PPARA: variants seen among roughly 807,000 people sequenced by gnomAD.
PPARA encodes the protein peroxisome proliferator-activated receptor alpha.
Under a neutral mutation model 42.2 loss-of-function variants are expected in PPARA, and 22 were observed. That is an observed-to-expected ratio of 0.52 (90% CI 0.37 to 0.74). The LOEUF (loss-of-function observed/expected upper bound fraction) is 0.74, where lower values mean the gene tolerates loss of function less well. Among genes scored for constraint, PPARA ranks in the 30% least tolerant of loss-of-function variants. The pLI is 0.00. For missense variants in PPARA, 465 were observed against 608.2 expected, an observed-to-expected ratio of 0.76 and a Z score of 2.48; for synonymous variants, 242 against 239.3, an observed-to-expected ratio of 1.01 and a Z score of -0.10.
chr22:46,191,338 T>G lies in PPARA; in HGVS notation c.-42-7004T>G, dbSNP rs1931515937. On this transcript the variant is annotated intron_variant, in intron 3 of 8. Coordinates refer to ENST00000407236, the MANE Select transcript of PPARA (RefSeq NM_005036.6). This position sits in a 1 kb window ranked among gnomAD's most constrained non-coding sequence, Gnocchi z 4.6. ...GTGGAGGGGTTTCCCTTCGGTCTCC[T>G]TTTATTCCAAGCAAGTGGCAAAACT... Among the ~76,000 whole-genome samples the G allele has an allele frequency of 6.6e-6, 1 of 152,216 alleles. No homozygotes were observed. Among genetic ancestry groups the G allele is most frequent in the Non-Finnish European group, 1.5e-5 (1 of 68,036 alleles).
chr22:46,198,355 G>C lies in PPARA; in HGVS notation c.-29G>C, dbSNP rs1156584282. 1 of 1,606,248 alleles carries C rather than the reference G, an allele frequency of 6.2e-7. No individual in the cohort carries two copies. Among genetic ancestry groups the C allele is most frequent in the Admixed American group, 1.7e-5 (1 of 59,982 alleles). On this transcript the variant is annotated 5_prime_UTR_variant, in exon 4 of 9. Coordinates refer to ENST00000407236, the MANE Select transcript of PPARA (RefSeq NM_005036.6). Reference sequence around the variant, plus strand: ...CTTTCCTCCCAGTAGCTTGGAGCTCGGCGGCACAACCAGCACCATCTGGTC... The same window carrying C: ...CTTTCCTCCCAGTAGCTTGGAGCTCCGCGGCACAACCAGCACCATCTGGTC...
intron 4 of PPARA, among the ~76,000 whole-genome samples, chr22:46,213,006 G>A (rs1293840928): frequency 2.6e-5 from 4 of 152,120 alleles, no homozygotes; most frequent in Non-Finnish European, 5.9e-5. Flanking sequence ...AAAAGAAAAA[G>A]AATAAACTGC....
intron 4 of PPARA, among the ~76,000 whole-genome samples, chr22:46,207,750 C>T (rs73177036): frequency 0.03 from 4,026 of 135,812 alleles, 63 homozygotes; most frequent in Non-Finnish European, 0.042. Context: ...CTAGTGCCAT[C>T]GTAGCTCACT....
intron 4 of PPARA, among the ~76,000 whole-genome samples, chr22:46,205,519 C>CATATATATATATATATAT (rs552533545): frequency 5.5e-4 from 19 of 34,426 alleles, no homozygotes; most frequent in Non-Finnish European, 7.4e-4. Flanking sequence ...CATGCCCAGC[C>CATATATATATATATATAT]ATATATATAT....
At chr22:46,174,858 C>T (rs1479518307) in intron 2 of PPARA, among the ~76,000 whole-genome samples, 1 of 151,948 alleles carries the variant, frequency 6.6e-6, no homozygotes, top group African/African-American at 2.4e-5. Context: ...ATTTTCCTCC[C>T]TTTTAGTACT....
Position 46,165,536 on chromosome 22 carries a change from G to A in PPARA, c.-126-11217G>A, listed in dbSNP as rs1926912188. Among the ~76,000 whole-genome samples the A allele has an allele frequency of 6.6e-6, 1 of 152,202 alleles. No individual in the cohort carries two copies. The highest frequency in any genetic ancestry group is 1.5e-5 in the Non-Finnish European group (1 of 68,032). On this transcript the variant is annotated intron_variant, in intron 2 of 8. Transcript: ENST00000407236. The surrounding 1 kb of genome is among the most constrained non-coding windows in gnomAD (Gnocchi z 5.5). ...TGTTGGCCAATTTATGAAAGAAGCA[G>A]TTAAGAGCCTGAGTGGCACTTTTGA...
intron 7 of PPARA, among the ~76,000 whole-genome samples, chr22:46,226,522 T>C (rs1330012717): frequency 2.0e-5 from 3 of 152,228 alleles, no homozygotes; most frequent in African/African-American, 7.2e-5. Context: ...CTCCAAATTG[T>C]TGGGGATTAT....
At chr22:46,185,465 C>T (rs1212217751) in intron 3 of PPARA, among the ~76,000 whole-genome samples, 1 of 152,092 alleles carries the variant, frequency 6.6e-6, no homozygotes, top group Admixed American at 6.5e-5. Context: ...ACCTTGTTCC[C>T]CTCTTTTGCT....
At position 46,187,562 on chromosome 22, in the gene PPARA, G is replaced by A. The variant is rs767315635; in HGVS notation, c.-43+10726G>A. Reference sequence around the variant, plus strand: ...AAGGAGTTGTGCTGCTTCTAGTCTTGTTCCCTTTGAATCTGGATTCCTTCT... The same window carrying A: ...AAGGAGTTGTGCTGCTTCTAGTCTTATTCCCTTTGAATCTGGATTCCTTCT... On this transcript the variant is annotated intron_variant, in intron 3 of 8. Coordinates refer to ENST00000407236, the MANE Select transcript of PPARA (RefSeq NM_005036.6). This position sits in a 1 kb window ranked among gnomAD's most constrained non-coding sequence, Gnocchi z 4.9. Among the ~76,000 whole-genome samples, 3 of 152,306 alleles carry A rather than the reference G, an allele frequency of 2.0e-5. No individual in the cohort carries two copies. The highest frequency in any genetic ancestry group is 3.4e-3 in the Middle Eastern group (1 of 292).
intron 3 of PPARA, among the ~76,000 whole-genome samples, chr22:46,197,379 C>T (rs960819050): frequency 6.6e-6 from 1 of 152,084 alleles, no homozygotes; most frequent in Non-Finnish European, 1.5e-5. Context: ...CCGCTGTGTC[C>T]CCAGCACCTC....
At chr22:46,174,907 G>GT (rs540032166) in intron 2 of PPARA, among the ~76,000 whole-genome samples, 87 of 151,330 alleles carry the variant, frequency 5.7e-4, no homozygotes, top group Non-Finnish European at 1.1e-3. Flanking sequence ...GATAATTGTA[G>GT]TTTTTTTTAC....
Position 46,198,406 on chromosome 22 carries a change from T to TC in PPARA, c.24dup (p.Cys9LeufsTer17). The TC allele has an allele frequency of 1.2e-6, 2 of 1,613,834 alleles. No homozygotes were observed. The highest frequency in any genetic ancestry group is 1.7e-6 in the Non-Finnish European group (2 of 1,179,914). On this transcript the variant is annotated frameshift_variant, in exon 4 of 9. Transcript: ENST00000407236. LOFTEE classifies it high-confidence loss of function. ...GCGATGGTGGACACGGAAAGCCCAC[T>TC]CTGCCCCCTCTCCCCACTCGAGGCC...
chr22:46,175,549 TA>T (rs1601650193), intron 2 of PPARA, among the ~76,000 whole-genome samples: 5 of 151,104 alleles, frequency 3.3e-5, no homozygotes, highest in African/African-American at 7.3e-5. Flanking sequence ...CCATCTCTAC[TA>T]AAAAATACAA....
In PPARA at chr22:46,200,071, CAG is replaced by C. The variant is rs1348795636; in HGVS notation, c.208+1482_208+1483del. Among the ~76,000 whole-genome samples the C allele has an allele frequency of 1.3e-5, 2 of 152,178 alleles. No individual in the cohort carries two copies. The highest frequency in any genetic ancestry group is 3.8e-4 in the East Asian group (2 of 5,200). On this transcript the variant is annotated intron_variant, in intron 4 of 8. Coordinates refer to ENST00000407236, the MANE Select transcript of PPARA (RefSeq NM_005036.6). This position sits in a 1 kb window ranked among gnomAD's most constrained non-coding sequence, Gnocchi z 4.8. ...CAATCTAGTACATCACTGGTGGAAA[CAG>C]ACATACACCTATTGCAAAGGGCATC...
intron 3 of PPARA, among the ~76,000 whole-genome samples, chr22:46,186,670 G>A (rs189345177): frequency 8.4e-4 from 128 of 152,140 alleles, no homozygotes; most frequent in African/African-American, 3.0e-3. Context: ...CCGAGATCAC[G>A]CCACTGCACT....
chr22:46,188,072 T>C lies in PPARA; in HGVS notation c.-42-10270T>C, dbSNP rs1313460156. The stretch of plus-strand genomic sequence containing the variant: ...TGGCACCAGCTACCAGGCATGTGAC[T>C]GAGGCCATCCAGCCATAGCTGAGCC... On this transcript the variant is annotated intron_variant, in intron 3 of 8. Transcript: ENST00000407236. This position sits in a 1 kb window ranked among gnomAD's most constrained non-coding sequence, Gnocchi z 5.0. 6.6e-6 allele frequency among the ~76,000 whole-genome samples: 1 copy of C among 152,216 alleles called. No individual in the cohort carries two copies. Among genetic ancestry groups the C allele is most frequent in the African/African-American group, 2.4e-5 (1 of 41,460 alleles).
chr22:46,190,784 C>G lies in PPARA; in HGVS notation c.-42-7558C>G, dbSNP rs1931432999. ...AAAGTTTTGAGTGTGAAAATTCAAG[C>G]TCAATTCCATTTGTTGGTTGTCTTG... is the stretch of plus-strand genomic sequence containing the variant. On this transcript the variant is annotated intron_variant, in intron 3 of 8. Transcript: ENST00000407236. This position sits in a 1 kb window ranked among gnomAD's most constrained non-coding sequence, Gnocchi z 5.6. Among the ~76,000 whole-genome samples, 1 of 151,944 alleles carries G rather than the reference C, an allele frequency of 6.6e-6. No individual in the cohort carries two copies. The highest frequency in any genetic ancestry group is 1.5e-5 in the Non-Finnish European group (1 of 67,990).
In PPARA at chr22:46,151,887, GGCTGAAGCTCA is replaced by G; in HGVS notation, c.-208_-198del. The G allele has an allele frequency of 6.6e-6, 1 of 152,290 alleles. No individual in the cohort carries two copies. Among genetic ancestry groups the G allele is most frequent in the East Asian group, 1.9e-4 (1 of 5,200 alleles). The allele number at this position is 152,290 out of a possible 1,614,324, so 9.4% of individuals were successfully genotyped here. A position where few individuals can be genotyped will look rare whatever the true frequency, so the allele number is the denominator to read the frequency against. On this transcript the variant is annotated splice_region_variant and 5_prime_UTR_variant, in exon 2 of 9. Transcript: ENST00000407236. ...TTCCTCCTTCACCTTCTTACTGCCA[GGCTGAAGCTCA>G]GGGCCCTGTCTGCTCTGTGGACTCA...
Position 46,169,695 on chromosome 22 carries a change from A to G in PPARA, c.-126-7058A>G, listed in dbSNP as rs748648410. Among the ~76,000 whole-genome samples, 44 of 152,092 alleles carry G rather than the reference A, an allele frequency of 2.9e-4. 1 individual carries two copies. The highest frequency in any genetic ancestry group is 2.7e-3 in the Admixed American group (41 of 15,218). ...TTTTATAGTGTATCTATATCTAGGAATAAATCTGAAAAAGATATATAAGAT... is the reference window on the plus strand; with the variant it reads ...TTTTATAGTGTATCTATATCTAGGAGTAAATCTGAAAAAGATATATAAGAT... On this transcript the variant is annotated intron_variant, in intron 2 of 8. Transcript: ENST00000407236.
Sources: allele counts gnomAD v4.1 joint callset (sites outside exome capture counted in the v4.1 genomes callset), GRCh38; gene constraint gnomAD v4.1.1; non-coding constraint Gnocchi (gnomAD v3.1); transcripts MANE v1.5; gene names NCBI Gene and HGNC (gene_info 2026-07-23, HGNC 2026-07-21).